TYW1B: variants seen among roughly 807,000 people sequenced by gnomAD.
The protein encoded by TYW1B is tRNA-yW synthesizing protein 1 homolog B.
In TYW1B, 73 loss-of-function variants were observed where a neutral mutation model predicts 86.9. The ratio of observed to expected loss-of-function variants is 0.84; its 90% CI spans 0.70 to 1.02. TYW1B has a LOEUF of 1.02. Among genes scored for constraint, TYW1B ranks in the 50% least tolerant of loss-of-function variants. TYW1B has a pLI of 0.00. For missense variants in TYW1B, 637 were observed against 827.4 expected (o/e 0.77, Z 2.82); for synonymous variants, 248 against 292.8 (o/e 0.85, Z 1.56).
intron 13 of TYW1B, among the ~76,000 whole-genome samples, chr7:72,577,570 T>C (rs1184009584): frequency 6.6e-6 from 1 of 152,190 alleles, no homozygotes; most frequent in Non-Finnish European, 1.5e-5. Context: ...TCCCTGGCCC[T>C]TCACACCTCC....
At chr7:72,784,660 G>A (rs1442516309) in intron 6 of TYW1B, among the ~76,000 whole-genome samples, 2 of 152,030 alleles carry the variant, frequency 1.3e-5, no homozygotes, top group South Asian at 2.1e-4. Context: ...ACCACATCCC[G>A]CTAACTTTTG....
At chr7:72,689,337 T>C (rs1438273350) in intron 11 of TYW1B, among the ~76,000 whole-genome samples, 22 of 152,202 alleles carry the variant, frequency 1.4e-4, no homozygotes, top group Admixed American at 1.2e-3. Context: ...TTATCTTATT[T>C]TTCTCCTTTG....
rs549052334 is a variant in TYW1B, at chr7:72,607,494, GAGGA to G, written c.1785+9174_1785+9177del. Among the ~76,000 whole-genome samples the G allele has an allele frequency of 8.8e-3, 1,323 of 150,732 alleles. 14 individuals carry two copies. Among genetic ancestry groups the G allele is most frequent in the Non-Finnish European group, 0.011 (730 of 67,606 alleles). On this transcript the variant is annotated intron_variant, in intron 13 of 13. Transcript: ENST00000620995. ...AGAAGAAGGAAGAGAAGGAGAGAGG[GAGGA>G]AGGAAGGAAGGAAGGAGAAATAGTT...
At chr7:72,749,912 G>GTTTTTTTTTTT (rs35656387) in intron 7 of TYW1B, among the ~76,000 whole-genome samples, 84 of 118,892 alleles carry the variant, frequency 7.1e-4, no homozygotes, top group East Asian at 9.7e-4. Flanking sequence ...GGTTTTTTTT[G>GTTTTTTTTTTT]TTTTTTTTTT....
intron 7 of TYW1B, among the ~76,000 whole-genome samples, chr7:72,757,640 T>A (rs1163930259): frequency 7.9e-5 from 12 of 152,122 alleles, no homozygotes; most frequent in African/African-American, 2.4e-4. Flanking sequence ...AAGTATGAAG[T>A]TATCAGAATC....
intron 8 of TYW1B, among the ~76,000 whole-genome samples, chr7:72,741,127 T>G (rs1787297275): frequency 6.6e-6 from 1 of 152,058 alleles, no homozygotes; most frequent in Non-Finnish European, 1.5e-5. Context: ...AAACTCTCCC[T>G]GAGGAAGCAT....
At chr7:72,636,484 A>G (rs1446135365) in intron 11 of TYW1B, among the ~76,000 whole-genome samples, 1 of 152,220 alleles carries the variant, frequency 6.6e-6, no homozygotes, top group Admixed American at 6.5e-5. Flanking sequence ...GGAAGTGGTG[A>G]CAAATATAGT....
Position 72,622,214 on chromosome 7 carries a change from T to A in TYW1B, c.1618-5375A>T, listed in dbSNP as rs546852607. 1.7e-4 allele frequency among the ~76,000 whole-genome samples: 26 copies of A among 152,304 alleles called. No homozygotes were observed. In the South Asian group the frequency reaches 5.4e-3, roughly 32 times the overall value. ...CTCAGGCTAGCAAATAAAGGCCTCT[T>A]TAAGCCTAATGAAGCTAAGATACAT... On this transcript the variant is annotated intron_variant, in intron 12 of 13. Transcript: ENST00000620995.
chr7:72,605,286 T>C (rs1384210509), intron 13 of TYW1B, among the ~76,000 whole-genome samples: 1 of 151,994 alleles, frequency 6.6e-6, no homozygotes, highest in East Asian at 1.9e-4. Flanking sequence ...TCTTTAAAGG[T>C]CATGTAAATG....
At chr7:72,816,153 G>C (rs1439041424) in intron 2 of TYW1B, among the ~76,000 whole-genome samples, 1 of 152,176 alleles carries the variant, frequency 6.6e-6, no homozygotes, top group Non-Finnish European at 1.5e-5. Context: ...GATGCGGCTG[G>C]ATCACTTGAA....
At chr7:72,690,305 T>TAA (rs36032669) in intron 11 of TYW1B, among the ~76,000 whole-genome samples, 25 of 148,368 alleles carry the variant, frequency 1.7e-4, no homozygotes, top group Admixed American at 1.1e-3. Flanking sequence ...TCTCTTTTTT[T>TAA]AAAAAAAGGA....
chr7:72,625,140 T>C (rs1812313588), intron 12 of TYW1B, among the ~76,000 whole-genome samples: 1 of 152,224 alleles, frequency 6.6e-6, no homozygotes, highest in Non-Finnish European at 1.5e-5. Flanking sequence ...GTAGGTCATT[T>C]TACTTTTATA....
chr7:72,646,146 G>T (rs1812924363), intron 11 of TYW1B, among the ~76,000 whole-genome samples: 1 of 151,494 alleles, frequency 6.6e-6, no homozygotes, highest in African/African-American at 2.4e-5. Flanking sequence ...CAAACTCCTG[G>T]GCTCCTCAAA....
chr7:72,607,388 T>C (rs1411168348), intron 13 of TYW1B, among the ~76,000 whole-genome samples: 2 of 87,626 alleles, frequency 2.3e-5, no homozygotes, highest in African/African-American at 4.2e-5. Context: ...TGAGATTCTG[T>C]CTCTCAAAAA....
intron 11 of TYW1B, among the ~76,000 whole-genome samples, chr7:72,680,490 C>A (rs1207866088): frequency 2.0e-5 from 3 of 152,198 alleles, no homozygotes; most frequent in Non-Finnish European, 4.4e-5. Flanking sequence ...TTGCCAGGGG[C>A]TCTCAGGCCT....
At chr7:72,669,560 G>T (rs1813544997) in intron 11 of TYW1B, among the ~76,000 whole-genome samples, 3 of 151,956 alleles carry the variant, frequency 2.0e-5, no homozygotes, top group Admixed American at 2.0e-4. Flanking sequence ...GAGGCCAGTT[G>T]TTCAAGACTA....
chr7:72,759,452 T>C (rs1563084593), intron 7 of TYW1B, among the ~76,000 whole-genome samples: 1 of 84,608 alleles, frequency 1.2e-5, no homozygotes, highest in African/African-American at 3.5e-5. Context: ...TGGAATAAGA[T>C]TCTCAAACAT....
rs1554442965 is a variant in TYW1B at position 72,652,471 on chromosome 7, C to T, written c.1507-23474G>A. ...GAAAAAAATTAACTATTACTACATA[C>T]AACATGGCTAAATGATAGACATAAT... On this transcript the variant is annotated intron_variant, in intron 11 of 13. Transcript: ENST00000620995. 2.8e-5 allele frequency among the ~76,000 whole-genome samples: 4 copies of T among 142,702 alleles called. No homozygotes were observed. The South Asian group carries it at 9.2e-4, about 33-fold the overall frequency. 93.6% of individuals were successfully genotyped at this position (142,702 alleles called of 152,430 possible).
At chr7:72,588,382 C>A (rs1396063846) in intron 13 of TYW1B, among the ~76,000 whole-genome samples, 1 of 152,216 alleles carries the variant, frequency 6.6e-6, no homozygotes, top group Non-Finnish European at 1.5e-5. Flanking sequence ...GCAATCAGGC[C>A]TCTGATGAGG....
Sources: gnomAD v4.1 joint callset for allele counts (sites outside exome capture counted in the v4.1 genomes callset) on GRCh38, gnomAD v4.1.1 for gene constraint, MANE v1.5 for transcripts, NCBI Gene and HGNC (gene_info 2026-07-23, HGNC 2026-07-21) for gene names.